Variants in CYTH1 observed in about 807,000 individuals in gnomAD.
CYTH1 encodes the protein cytohesin-1.
Under a neutral mutation model 61.8 loss-of-function variants are expected in CYTH1, and 18 were observed. The observed-to-expected ratio is 0.29, with a 90% confidence interval of 0.20 to 0.43. The LOEUF is 0.43. Among genes scored for constraint, CYTH1 ranks in the 20% least tolerant of loss-of-function variants. The pLI, the probability that CYTH1 is intolerant of heterozygous loss-of-function variation, is 1.00. For synonymous variants in CYTH1, 174 were observed against 184.3 expected, an observed-to-expected ratio of 0.94 and a Z score of 0.45; for missense variants, 336 against 510.5, an observed-to-expected ratio of 0.66 and a Z score of 3.29.
At chr17:78,768,238 T>C (rs1488548337) in intron 1 of CYTH1, among the ~76,000 whole-genome samples, 1 of 152,160 alleles carries the variant, frequency 6.6e-6, no homozygotes, top group Non-Finnish European at 1.5e-5. Context: ...TACATTTGCC[T>C]TCAAAGTTTC....
rs145319882 is a variant in CYTH1, at chr17:78,741,075, G to A, written c.23-31343C>T. Among the ~76,000 whole-genome samples the A allele has an allele frequency of 3.3e-4, 51 of 152,278 alleles. 1 individual carries two copies. Among genetic ancestry groups the A allele is most frequent in the African/African-American group, 1.1e-3 (45 of 41,546 alleles). ...ATCAACAAAGTAGAAGAAAACACTC[G>A]TTCGTCATTCACATTAAAAAGCACA... is the stretch of plus-strand genomic sequence containing the variant. On this transcript the variant is annotated intron_variant, in intron 1 of 13. Transcript: ENST00000446868.
At chr17:78,781,542 G>T (rs113822624) in intron 1 of CYTH1, among the ~76,000 whole-genome samples, 1 of 152,092 alleles carries the variant, frequency 6.6e-6, no homozygotes, top group Admixed American at 6.6e-5. Context: ...GTCTCGGCAG[G>T]CGGCGACGCA....
At chr17:78,759,663 C>A (rs1185137773) in intron 1 of CYTH1, among the ~76,000 whole-genome samples, 1 of 152,198 alleles carries the variant, frequency 6.6e-6, no homozygotes, top group Non-Finnish European at 1.5e-5. Flanking sequence ...ACCCTCCAAG[C>A]GGAATACTGA....
chr17:78,700,664 C>T lies in CYTH1; in HGVS notation c.438-221G>A, dbSNP rs1386877748. 6.6e-6 allele frequency among the ~76,000 whole-genome samples: 1 copy of T among 152,140 alleles called. No homozygotes were observed. Among genetic ancestry groups the T allele is most frequent in the East Asian group, 1.9e-4 (1 of 5,196 alleles). ...TCAGCCTCCCGAGTAGCCGGGACTA[C>T]AGGCACACGCCACCATGCCCGGCTA... is the stretch of plus-strand genomic sequence containing the variant. On this transcript the variant is annotated intron_variant, in intron 6 of 13. Transcript: ENST00000446868. This position sits in a 1 kb window ranked among gnomAD's most constrained non-coding sequence, Gnocchi z 5.1.
At chr17:78,729,935 A>G (rs1433025974) in intron 1 of CYTH1, among the ~76,000 whole-genome samples, 1 of 152,206 alleles carries the variant, frequency 6.6e-6, no homozygotes, top group Non-Finnish European at 1.5e-5. Flanking sequence ...TCTTCTGCCT[A>G]TCTGTATATC....
At chr17:78,777,111 G>A (rs2093495063) in intron 1 of CYTH1, among the ~76,000 whole-genome samples, 1 of 142,960 alleles carries the variant, frequency 7.0e-6, no homozygotes, top group African/African-American at 2.6e-5. Context: ...GGCAACAAGA[G>A]TGAAACTCTG....
At position 78,674,501 on chromosome 17, in the gene CYTH1, A is replaced by T. The variant is rs2092675600; in HGVS notation, c.*1590T>A. Reference sequence around the variant, plus strand: ...CCTAAAGCCATTCCCTCCAGGTAGGATCTACACAAAGTGGCGGGGAGGGAG... The same window carrying T: ...CCTAAAGCCATTCCCTCCAGGTAGGTTCTACACAAAGTGGCGGGGAGGGAG... On this transcript the variant is annotated 3_prime_UTR_variant, in exon 14 of 14. Coordinates refer to ENST00000446868, the MANE Select transcript of CYTH1 (RefSeq NM_004762.6). 6.6e-6 allele frequency: 1 copy of T among 152,284 alleles called. No individual in the cohort carries two copies. The highest frequency in any genetic ancestry group is 2.1e-4 in the South Asian group (1 of 4,836). 9.4% of individuals were successfully genotyped at this position (152,284 alleles called of 1,614,324 possible). A position where few individuals can be genotyped will look rare whatever the true frequency, so the allele number is the denominator to read the frequency against.
rs975494946 is a variant in CYTH1, at chr17:78,676,323, C to T, written c.1119-154G>A. On this transcript the variant is annotated intron_variant, in intron 13 of 13. Transcript: ENST00000446868. ...GCCAAGTTAGCGTCCTCCACCCTTG[C>T]TGTGTCCACACAGTGACCTAAGGTG... 201 of 665,782 alleles carry T rather than the reference C, an allele frequency of 3.0e-4. 1 individual carries two copies. The highest frequency in any genetic ancestry group is 2.6e-5 in the Non-Finnish European group (10 of 391,044). The allele number at this position is 665,782 out of a possible 1,614,324, so 41.2% of individuals were successfully genotyped here.
intron 9 of CYTH1, 114 bp from the exon 10 acceptor site, chr17:78,696,123 T>C: frequency 7.6e-7 from 1 of 1,313,228 alleles, no homozygotes; most frequent in East Asian, 4.9e-5. Flanking sequence ...TAAAGTGCAA[T>C]GTATCAGTCA....
rs1299912575 is a variant in CYTH1 at position 78,724,938 on chromosome 17, A to T, written c.23-15206T>A. Among the ~76,000 whole-genome samples, 7 of 152,352 alleles carry T rather than the reference A, an allele frequency of 4.6e-5. No homozygotes were observed. The East Asian group carries it at 1.3e-3, about 29-fold the overall frequency. On this transcript the variant is annotated intron_variant, in intron 1 of 13. Coordinates refer to ENST00000446868, the MANE Select transcript of CYTH1 (RefSeq NM_004762.6). ...AACAATTTTCTTTTAGTGTCAAGAG[A>T]GTAGTACTTATTTAAAAGAATCATA...
intron 1 of CYTH1, chr17:78,723,685 C>G (rs942019226): frequency 1.3e-5 from 2 of 152,378 alleles, no homozygotes; most frequent in African/African-American, 4.8e-5. Flanking sequence ...TGCGCACAGG[C>G]TGCACTTGCT....
intron 1 of CYTH1, among the ~76,000 whole-genome samples, chr17:78,774,761 C>T (rs1042186325): frequency 2.6e-5 from 4 of 152,180 alleles, no homozygotes; most frequent in Admixed American, 6.6e-5. Context: ...CATGACAGCT[C>T]TTCCTATAAT....
chr17:78,740,457 G>A lies in CYTH1; in HGVS notation c.23-30725C>T, dbSNP rs188090456. ...TCAAAAGAGGGACTCTGACTGGCTC[G>A]TTTAATAGCCATCATCCCTATTGGG... On this transcript the variant is annotated intron_variant, in intron 1 of 13. Coordinates refer to ENST00000446868, the MANE Select transcript of CYTH1 (RefSeq NM_004762.6). Among the ~76,000 whole-genome samples the A allele has an allele frequency of 3.5e-3, 539 of 152,272 alleles. 14 individuals carry two copies. The highest frequency in any genetic ancestry group is 0.034 in the Admixed American group (514 of 15,302).
At chr17:78,744,329 C>G (rs2093351971) in intron 1 of CYTH1, among the ~76,000 whole-genome samples, 1 of 152,142 alleles carries the variant, frequency 6.6e-6, no homozygotes, top group Admixed American at 6.6e-5. Context: ...ACCCTGCAGC[C>G]TTTCTGGAAT....
At chr17:78,688,550 A>G (rs935571782) in intron 11 of CYTH1, among the ~76,000 whole-genome samples, 1 of 152,204 alleles carries the variant, frequency 6.6e-6, no homozygotes, top group Non-Finnish European at 1.5e-5. Context: ...AGCGCATGAC[A>G]AATGTCCTTA....
intron 1 of CYTH1, among the ~76,000 whole-genome samples, chr17:78,738,746 G>T (rs1424745839): frequency 6.6e-6 from 1 of 152,152 alleles, no homozygotes; most frequent in African/African-American, 2.4e-5. Flanking sequence ...CAAAACCTAT[G>T]TTTAATGATT....
intron 1 of CYTH1, among the ~76,000 whole-genome samples, chr17:78,711,248 C>A (rs1191862353): frequency 1.3e-5 from 2 of 149,262 alleles, no homozygotes; most frequent in Non-Finnish European, 3.0e-5. Flanking sequence ...GGAGACAGTA[C>A]AAGACTCCAT....
At position 78,702,567 on chromosome 17, in the gene CYTH1, T is replaced by G. The variant is rs751656436; in HGVS notation, c.208A>C (p.Arg70=). Reference sequence around the variant, plus strand: ...TTAGGGTCCATATTAAATTTTTTCCTGCCCATGGCTACCTGTTTGTTCCTC... The same window carrying G: ...TTAGGGTCCATATTAAATTTTTTCCGGCCCATGGCTACCTGTTTGTTCCTC... The part of the protein sequence containing the change: ...MQRNKQVAMG[R]KKFNMDPKKG... The change falls in exon 4 of 14, where the codon AGG becomes CGG. Residue 70 remains arginine (R), a synonymous_variant. Coordinates refer to ENST00000446868, the MANE Select transcript of CYTH1 (RefSeq NM_004762.6). 1 of 1,614,218 alleles carries G rather than the reference T, an allele frequency of 6.2e-7. No individual in the cohort carries two copies. Among genetic ancestry groups the G allele is most frequent in the Admixed American group, 1.7e-5 (1 of 60,024 alleles).
At chr17:78,707,362 C>T (rs889225545) in intron 3 of CYTH1, among the ~76,000 whole-genome samples, 1 of 152,014 alleles carries the variant, frequency 6.6e-6, no homozygotes, top group African/African-American at 2.4e-5. Flanking sequence ...ACTAAACTCT[C>T]AAAGTCACTA....
Sources: allele counts gnomAD v4.1 joint callset (sites outside exome capture counted in the v4.1 genomes callset), GRCh38; gene constraint gnomAD v4.1.1; non-coding constraint Gnocchi (gnomAD v3.1); transcripts MANE v1.5; gene names NCBI Gene and HGNC (gene_info 2026-07-23, HGNC 2026-07-21).